Variants in ANK2 observed in about 807,000 individuals in gnomAD.
ANK2 encodes the protein ankyrin-2.
A neutral mutation model predicts 360.5 loss-of-function variants in ANK2; 83 were observed. That is an observed-to-expected ratio of 0.23 (90% confidence interval 0.19 to 0.28). ANK2 has a LOEUF of 0.28. Among genes scored for constraint, ANK2 ranks in the 10% least tolerant of loss-of-function variants. ANK2 has a pLI of 1.00. For missense variants in ANK2, 4,201 were observed against 4,795.7 expected (o/e 0.88, Z 3.66); for synonymous variants, 1,740 against 1,759.5 (o/e 0.99, Z 0.28).
chr4:113,154,423 G>A (rs967222818), intron 1 of ANK2, among the ~76,000 whole-genome samples: 1 of 152,166 alleles, frequency 6.6e-6, no homozygotes, highest in African/African-American at 2.4e-5. Flanking sequence ...AGCTTGAACA[G>A]CAAGATTGTT....
chr4:113,265,076 C>T (rs1168076753), intron 14 of ANK2, 81 bp downstream of exon 14: 1 of 1,319,832 alleles, frequency 7.6e-7, no homozygotes, highest in East Asian at 2.5e-5. Context: ...CCTTCAGTTC[C>T]TTGATTTGGA....
chr4:113,242,022 AC>A, intron 8 of ANK2, 88 bp from the exon 9 acceptor site: 1 of 1,049,808 alleles, frequency 9.5e-7, no homozygotes. Flanking sequence ...CACGTAGGTC[AC>A]AACTTCCTTT....
chr4:113,361,860 C>T (rs1243231064), intron 39 of ANK2, among the ~76,000 whole-genome samples: 2 of 151,854 alleles, frequency 1.3e-5, no homozygotes, highest in Non-Finnish European at 2.9e-5. Context: ...TGTATCCATA[C>T]CTACATAGTA....
intron 1 of ANK2, among the ~76,000 whole-genome samples, chr4:113,060,774 T>G (rs2072896581): frequency 6.6e-6 from 1 of 151,712 alleles, no homozygotes; most frequent in Non-Finnish European, 1.5e-5. Context: ...TGACTAAGAT[T>G]ATTAGATGCT....
chr4:113,343,463 G>T (rs1588658436), intron 34 of ANK2, among the ~76,000 whole-genome samples: 1 of 152,144 alleles, frequency 6.6e-6, no homozygotes, highest in Admixed American at 6.6e-5. Flanking sequence ...TTTATGCTTA[G>T]ATTTAAAAAT....
chr4:112,972,766 A>G (rs1190382587), intron 2 of ANK2, among the ~76,000 whole-genome samples: 1 of 152,192 alleles, frequency 6.6e-6, no homozygotes, highest in Non-Finnish European at 1.5e-5. Context: ...TATGGAACCA[A>G]CTTGAGTGTC....
At chr4:113,196,616 C>T in intron 3 of ANK2, 150 bp downstream of exon 3, 1 of 754,520 alleles carries the variant, frequency 1.3e-6, no homozygotes, top group East Asian at 2.8e-5. Context: ...AAACCTCCAC[C>T]TCCTGGGCTC....
At chr4:113,102,414 A>C (rs185067082) in intron 1 of ANK2, among the ~76,000 whole-genome samples, 7 of 152,226 alleles carry the variant, frequency 4.6e-5, no homozygotes, top group Admixed American at 3.3e-4. Context: ...CTCAGAAAAG[A>C]GGCTAGAACC....
chr4:113,106,966 A>G (rs1309654528), intron 1 of ANK2: 8 of 523,702 alleles, frequency 1.5e-5, no homozygotes, highest in Admixed American at 1.2e-4. Flanking sequence ...TATTACAGAG[A>G]CTTCCATTTG....
rs558079689 is a variant in ANK2, at chr4:112,872,093, T to A, written c.-39-32362T>A. Among the ~76,000 whole-genome samples, 8 of 151,824 alleles carry A rather than the reference T, an allele frequency of 5.3e-5. No individual in the cohort carries two copies. In the South Asian group the frequency reaches 1.7e-3, roughly 32 times the overall value. On this transcript the variant is annotated intron_variant, in intron 1 of 30. Coordinates refer to the ANK2 transcript ENST00000503271. ...CCAGCCTGGAGTGCAGAGGTGCAAT[T>A]GTAGCTCACTGTAGCCTTGACCTCC...
intron 1 of ANK2, among the ~76,000 whole-genome samples, chr4:113,085,098 A>G (rs2084006444): frequency 6.6e-6 from 1 of 152,194 alleles, no homozygotes; most frequent in Admixed American, 6.5e-5. Context: ...GACACTAGAA[A>G]CGGCCATTCG....
intron 1 of ANK2, chr4:112,827,438 A>T (rs928097459): frequency 2.2e-6 from 3 of 1,381,852 alleles, no homozygotes; most frequent in Non-Finnish European, 3.1e-6. Context: ...CTTGGAAGTG[A>T]GGGCTTAAAA....
At chr4:112,815,057 A>G (rs1478485295), upstream of ANK2, among the ~76,000 whole-genome samples, 3 of 149,736 alleles carry the variant, frequency 2.0e-5, no homozygotes, top group Non-Finnish European at 4.4e-5. Flanking sequence ...TACTATTTTT[A>G]GTAGAGATGG....
intron 2 of ANK2, among the ~76,000 whole-genome samples, chr4:112,925,619 A>G (rs1040937494): frequency 6.6e-6 from 1 of 152,224 alleles, no homozygotes. Context: ...TAAATACCTC[A>G]AAGAAATTTT....
chr4:113,341,134 G>A (rs529840135), intron 32 of ANK2, among the ~76,000 whole-genome samples: 3 of 152,316 alleles, frequency 2.0e-5, no homozygotes, highest in African/African-American at 7.2e-5. Context: ...ATACTTAGGA[G>A]TTCTGGAGCA....
chr4:113,024,985 T>C (rs1269651366), intron 2 of ANK2, among the ~76,000 whole-genome samples: 1 of 152,178 alleles, frequency 6.6e-6, no homozygotes, highest in Non-Finnish European at 1.5e-5. Context: ...CACCTCTCTT[T>C]TTGTAGGATA....
intron 11 of ANK2, 141 bp from the exon 12 acceptor site, chr4:113,257,909 C>T (rs1005544017): frequency 1.1e-6 from 1 of 869,910 alleles, no homozygotes; most frequent in Non-Finnish European, 1.9e-6. Flanking sequence ...ATTTTTCTTT[C>T]CAAATTCCAA....
intron 1 of ANK2, among the ~76,000 whole-genome samples, chr4:112,850,445 CTTTTTTTTTTTT>C (rs548963656): frequency 1.8e-4 from 13 of 74,238 alleles, no homozygotes; most frequent in Admixed American, 1.8e-4. Context: ...TTGTTCGTTT[CTTTTTTTTTTTT>C]TTTTTTCATA....
the ANK2 span, among the ~76,000 whole-genome samples, chr4:112,754,459 T>G: frequency 6.6e-6 from 1 of 151,554 alleles, no homozygotes; most frequent in East Asian, 1.9e-4. Flanking sequence ...TGTTAGCTTG[T>G]GAGCTGAGTT....
Sources: allele counts gnomAD v4.1 joint callset (sites outside exome capture counted in the v4.1 genomes callset), GRCh38; gene constraint gnomAD v4.1.1; transcripts MANE v1.5; gene names NCBI Gene and HGNC (gene_info 2026-07-23, HGNC 2026-07-21).